ENO4: variants seen among roughly 807,000 people sequenced by gnomAD.
The protein encoded by ENO4 is 2-phospho-D-glycerate hydro-lyase.
A neutral mutation model predicts 63.2 loss-of-function variants in ENO4; 53 were observed. That is an observed-to-expected ratio of 0.84 (90% CI 0.67 to 1.05). The LOEUF (loss-of-function observed/expected upper bound fraction) is 1.05. Among genes scored for constraint, ENO4 ranks in the 50% least tolerant of loss-of-function variants. ENO4 has a pLI of 0.00. For missense variants in ENO4, 719 were observed against 772.0 expected, an observed-to-expected ratio of 0.93 and a Z score of 0.81; for synonymous variants, 266 against 283.8, an observed-to-expected ratio of 0.94 and a Z score of 0.63.
intron 9 of ENO4, 26 bp from the exon 10 acceptor site, chr10:116,874,045 CTTATT>C (rs1846767068): frequency 1.3e-6 from 2 of 1,506,336 alleles, no homozygotes; most frequent in East Asian, 2.5e-5. Context: ...TTATTTATCC[CTTATT>C]TTAATATTTT....
chr10:116,906,488 C>G (rs1847976596), intron 10 of ENO4: 3 of 733,612 alleles, frequency 4.1e-6, no homozygotes, highest in Non-Finnish European at 6.1e-6. Context: ...ATATCTTTAC[C>G]CATCCCATAC....
At chr10:116,889,542 C>T (rs1485821192) in intron 10 of ENO4, among the ~76,000 whole-genome samples, 3 of 152,126 alleles carry the variant, frequency 2.0e-5, no homozygotes, top group African/African-American at 4.8e-5. Context: ...CTAGGGCAAT[C>T]GTCTAGTCTG....
chr10:116,876,950 A>AAATT lies in ENO4; in HGVS notation c.1537+715_1537+718dup, dbSNP rs59679890. 8.1e-3 allele frequency among the ~76,000 whole-genome samples: 1,227 copies of AAATT among 151,674 alleles called. 5 individuals carry two copies. Among genetic ancestry groups the AAATT allele is most frequent in the Non-Finnish European group, 0.012 (801 of 67,958 alleles). On this transcript the variant is annotated intron_variant, in intron 11 of 13. Transcript: ENST00000341276. ...TGGGCGACAGGGAGACTCCGTCTCA[A>AAATT]AATTAATTAATTAATTAATTAATTA...
chr10:116,885,073 T>C (rs923303626), downstream of ENO4: 3 of 152,640 alleles, frequency 2.0e-5, no homozygotes, highest in African/African-American at 7.2e-5. Flanking sequence ...AGGAAGTACA[T>C]GTACCTGCCT....
chr10:116,873,946 A>G (rs1363754542), intron 9 of ENO4, 130 bp from the exon 10 acceptor site: 1 of 1,322,636 alleles, frequency 7.6e-7, no homozygotes, highest in African/African-American at 1.5e-5. Flanking sequence ...TCTCAGGTCA[A>G]CGTGCCCTGA....
At chr10:116,900,401 C>A in intron 10 of ENO4, 1 of 743,686 alleles carries the variant, frequency 1.3e-6, no homozygotes, top group South Asian at 1.7e-5. Flanking sequence ...TTTTCACTGT[C>A]AATTCAACAC....
intron 10 of ENO4, among the ~76,000 whole-genome samples, chr10:116,887,888 CA>C (rs1403659220): frequency 6.6e-6 from 1 of 152,152 alleles, no homozygotes; most frequent in African/African-American, 2.4e-5. Context: ...TCTCTTGCAA[CA>C]AAAACAACAG....
At chr10:116,860,363 T>G (rs1199311184) in intron 4 of ENO4, among the ~76,000 whole-genome samples, 1 of 152,176 alleles carries the variant, frequency 6.6e-6, no homozygotes, top group African/African-American at 2.4e-5. Flanking sequence ...GCAAGTTAGA[T>G]ATATTCATGC....
chr10:116,868,540 CGTGT>C, intron 7 of ENO4, 106 bp from the exon 8 acceptor site: 2 of 863,370 alleles, frequency 2.3e-6, no homozygotes, highest in East Asian at 2.6e-5. Flanking sequence ...TGTGTGCACA[CGTGT>C]GTGAGATTCA....
At chr10:116,851,469 C>T (rs979821515) in intron 1 of ENO4, among the ~76,000 whole-genome samples, 10 of 152,194 alleles carry the variant, frequency 6.6e-5, no homozygotes, top group African/African-American at 1.9e-4. Flanking sequence ...ACTCCAGCCT[C>T]GGCAACAGAG....
chr10:116,905,074 G>A (rs1015627327), intron 10 of ENO4, among the ~76,000 whole-genome samples: 10 of 151,748 alleles, frequency 6.6e-5, no homozygotes, highest in South Asian at 2.1e-4. Flanking sequence ...GGTGGCGGGC[G>A]CCTGTAGTCC....
rs760031153 is a variant in ENO4, at chr10:116,881,717, C to T, written c.*48C>T. On this transcript the variant is annotated 3_prime_UTR_variant, in exon 14 of 14. Coordinates refer to ENST00000341276, the MANE Select transcript of ENO4 (RefSeq NM_001242699.2). ...AGCCACACCATCAGTATTAGTAGAC[C>T]GGGAGGTCTGAAGTACGGCGCCGTG... 31 of 1,355,216 alleles carry T rather than the reference C, an allele frequency of 2.3e-5. No homozygotes were observed. Among genetic ancestry groups the T allele is most frequent in the Non-Finnish European group, 2.7e-5 (28 of 1,043,568 alleles). The allele number at this position is 1,355,216 out of a possible 1,614,324, so 83.9% of individuals were successfully genotyped here. A position where few individuals can be genotyped will look rare whatever the true frequency, so the allele number is the denominator to read the frequency against.
In ENO4 at chr10:116,872,730, A is replaced by G. The variant is rs545616391; in HGVS notation, c.1216-1346A>G. 7.9e-4 allele frequency among the ~76,000 whole-genome samples: 120 copies of G among 152,370 alleles called. 3 individuals carry two copies. The South Asian group carries it at 0.024, about 30-fold the overall frequency. On this transcript the variant is annotated intron_variant, in intron 9 of 13. Transcript: ENST00000341276. ...TGAGTCTACATTTTATGAAATGCCC[A>G]GCATATTGCCAAGCATCTATGGTGA...
Position 116,877,710 on chromosome 10 carries a change from C to T in ENO4, c.1537+1450C>T, listed in dbSNP as rs189637563. The stretch of plus-strand genomic sequence containing the variant: ...GGATCAGGGGATGACAGGTGAAAAG[C>T]GGGGCTCCAGTGCTGGTGCATCTGG... On this transcript the variant is annotated intron_variant, in intron 11 of 13. Transcript: ENST00000341276. Among the ~76,000 whole-genome samples, 219 of 152,182 alleles carry T rather than the reference C, an allele frequency of 1.4e-3. 1 individual carries two copies. Among genetic ancestry groups the T allele is most frequent in the African/African-American group, 5.0e-3 (207 of 41,514 alleles).
At chr10:116,904,284 C>A (rs1343545414) in intron 10 of ENO4, among the ~76,000 whole-genome samples, 1 of 152,188 alleles carries the variant, frequency 6.6e-6, no homozygotes, top group Non-Finnish European at 1.5e-5. Context: ...ACTTTCCCCC[C>A]TGGAATTTTC....
At chr10:116,876,853 A>T (rs1846849083) in intron 11 of ENO4, among the ~76,000 whole-genome samples, 2 of 152,106 alleles carry the variant, frequency 1.3e-5, no homozygotes, top group Non-Finnish European at 2.9e-5. Flanking sequence ...CGGGAGGCTG[A>T]GGCAGGAGAA....
chr10:116,901,442 C>T (rs993730414), intron 10 of ENO4: 5 of 984,972 alleles, frequency 5.1e-6, no homozygotes, highest in Admixed American at 6.2e-5. Context: ...GAGGGATGAT[C>T]GATGTATTTA....
rs1406578017 is a variant in ENO4 at position 116,861,164 on chromosome 10, C to A, written c.910C>A (p.Pro304Thr). The change falls in exon 6 of 14, where the codon CCC (proline) becomes ACC (threonine). Residue 304 changes from proline (P) to threonine (T), a missense_variant. Pro to Thr is a conservative substitution (Grantham distance 38). Transcript: ENST00000341276. ...TTTAATGAAAGAAGTGATTTGTATACCCCATCCTGAATTAACAACCAAACA... is the reference window on the plus strand; with the variant it reads ...TTTAATGAAAGAAGTGATTTGTATAACCCATCCTGAATTAACAACCAAACA... The part of the protein sequence containing the change: ...LNLMKEVICI[P>T]HPELTTKQGV... 3.3e-6 allele frequency: 5 copies of A among 1,523,234 alleles called. No homozygotes were observed. Among genetic ancestry groups the A allele is most frequent in the Admixed American group, 4.0e-5 (2 of 49,550 alleles). 94.4% of individuals were successfully genotyped at this position (1,523,234 alleles called of 1,614,324 possible). A position where few individuals can be genotyped will look rare whatever the true frequency, so the allele number is the denominator to read the frequency against.
rs1207302111 is a variant in ENO4, at chr10:116,849,602, C to G, written c.36C>G (p.Thr12=). The G allele has an allele frequency of 6.5e-7, 1 of 1,549,238 alleles. No individual in the cohort carries two copies. Among genetic ancestry groups the G allele is most frequent in the East Asian group, 2.4e-5 (1 of 40,840 alleles). Residue 12 remains threonine, a synonymous_variant, in exon 1 of 14, where the codon ACC becomes ACG. Coordinates refer to ENST00000341276, the MANE Select transcript of ENO4 (RefSeq NM_001242699.2). ...AAGGCGGCGGCCGCAGCTGTGGGAC[C>G]ACTAGGGAGCTGCAGAAGCTGAAGC... ...EEEGGGRSCG[T]TRELQKLKQQ...
Sources: gnomAD v4.1 joint callset for allele counts (sites outside exome capture counted in the v4.1 genomes callset) on GRCh38, gnomAD v4.1.1 for gene constraint, MANE v1.5 for transcripts, NCBI Gene and HGNC (gene_info 2026-07-23, HGNC 2026-07-21) for gene names.